FBXW7: variants seen among roughly 807,000 people sequenced by gnomAD.
FBXW7 encodes the protein F-box/WD repeat-containing protein 7.
In FBXW7, 11 loss-of-function variants were observed where a neutral mutation model predicts 86.3. The observed-to-expected ratio is 0.13, with a 90% CI of 0.08 to 0.21. The LOEUF (loss-of-function observed/expected upper bound fraction) is 0.21. Ranked by LOEUF, FBXW7 falls within the 10% of genes least tolerant of loss-of-function variation. The pLI, the probability that FBXW7 is intolerant of heterozygous loss-of-function variation, is 1.00. For synonymous variants in FBXW7, 313 were observed against 297.9 expected, an observed-to-expected ratio of 1.05 and a Z score of -0.52; for missense variants, 488 against 847.4, an observed-to-expected ratio of 0.58 and a Z score of 5.27.
intron 2 of FBXW7, chr4:152,530,843 C>T (rs985186164): frequency 6.6e-6 from 1 of 152,240 alleles, no homozygotes; most frequent in Non-Finnish European, 1.5e-5. Context: ...TCTACAGCTG[C>T]TTTCACACTA....
intron 2 of FBXW7, among the ~76,000 whole-genome samples, chr4:152,492,921 T>C (rs1287723833): frequency 1.3e-5 from 2 of 151,970 alleles, no homozygotes; most frequent in Non-Finnish European, 2.9e-5. Flanking sequence ...GGTCTGAAAC[T>C]CAGGCAAATT....
Position 152,416,955 on chromosome 4 carries a change from T to C in FBXW7, c.-119-4426A>G, listed in dbSNP as rs188400970. ...AAATCTCAAAGACTCTTTTGCCATT[T>C]TTGTATCTTTATATTCTGTTGGTCA... On this transcript the variant is annotated intron_variant, in intron 2 of 13. Coordinates refer to ENST00000281708, the MANE Select transcript of FBXW7 (RefSeq NM_001349798.2). Among the ~76,000 whole-genome samples the C allele has an allele frequency of 1.3e-4, 20 of 152,318 alleles. No homozygotes were observed. The East Asian group carries it at 3.3e-3, about 25-fold the overall frequency.
At chr4:152,359,299 G>C (rs1300587971) in intron 4 of FBXW7, among the ~76,000 whole-genome samples, 1 of 152,066 alleles carries the variant, frequency 6.6e-6, no homozygotes, top group East Asian at 1.9e-4. Context: ...TTAAAATCCA[G>C]GTGACAAGAT....
chr4:152,358,609 G>T (rs904998298), intron 4 of FBXW7, among the ~76,000 whole-genome samples: 5 of 151,978 alleles, frequency 3.3e-5, no homozygotes, highest in Admixed American at 6.6e-5. Flanking sequence ...CTCTTTGTTT[G>T]TGGAATGAAC....
chr4:152,406,416 C>T (rs1374073240), intron 4 of FBXW7, among the ~76,000 whole-genome samples: 2 of 151,974 alleles, frequency 1.3e-5, no homozygotes, highest in Non-Finnish European at 2.9e-5. Flanking sequence ...GGCCCCGTCT[C>T]TTAAATAATT....
At chr4:152,483,659 C>T (rs1400048782) in intron 2 of FBXW7, among the ~76,000 whole-genome samples, 3 of 152,102 alleles carry the variant, frequency 2.0e-5, no homozygotes, top group Admixed American at 2.0e-4. Context: ...GATCATGCCA[C>T]TGCACTCCAG....
intron 2 of FBXW7, among the ~76,000 whole-genome samples, chr4:152,526,255 C>T (rs1749503373): frequency 6.6e-6 from 1 of 151,972 alleles, no homozygotes; most frequent in Non-Finnish European, 1.5e-5. Flanking sequence ...TTTTTTCTAG[C>T]TTAGATTTTT....
intron 2 of FBXW7, among the ~76,000 whole-genome samples, chr4:152,482,124 C>T (rs991862410): frequency 6.6e-6 from 1 of 152,180 alleles, no homozygotes; most frequent in African/African-American, 2.4e-5. Flanking sequence ...GCCACCCCAA[C>T]CTTCAGCAAC....
At chr4:152,462,479 A>T (rs1743039752) in intron 2 of FBXW7, among the ~76,000 whole-genome samples, 1 of 152,218 alleles carries the variant, frequency 6.6e-6, no homozygotes, top group Non-Finnish European at 1.5e-5. Context: ...GACAGAGTTT[A>T]CACTCAGATT....
At position 152,359,393 on chromosome 4, in the gene FBXW7, G is replaced by A. The variant is rs779246576; in HGVS notation, c.502-9269C>T. ...AGGCAGGAGGATCATTTGAGGCTAC[G>A]AGTTCAAGACCAGCCTGGGCAATAT... is the stretch of plus-strand genomic sequence containing the variant. On this transcript the variant is annotated intron_variant, in intron 4 of 13. Transcript: ENST00000281708. Among the ~76,000 whole-genome samples, 6 of 152,010 alleles carry A rather than the reference G, an allele frequency of 3.9e-5. No homozygotes were observed. The East Asian group carries it at 7.7e-4, about 20-fold the overall frequency.
At chr4:152,381,484 T>C (rs1479224457) in intron 4 of FBXW7, among the ~76,000 whole-genome samples, 2 of 152,062 alleles carry the variant, frequency 1.3e-5, no homozygotes, top group African/African-American at 2.4e-5. Flanking sequence ...TAATAAATAA[T>C]TTGAAACTGG....
At position 152,427,418 on chromosome 4, in the gene FBXW7, G is replaced by A. The variant is rs1049479297; in HGVS notation, c.-119-14889C>T. Among the ~76,000 whole-genome samples, 13 of 152,280 alleles carry A rather than the reference G, an allele frequency of 8.5e-5. No homozygotes were observed. The East Asian group carries it at 2.3e-3, about 27-fold the overall frequency. Reference sequence around the variant, plus strand: ...GTTAATACTTACAACACCCTTTGAAGTGCATTATCCATATGCCATCCTCAT... The same window carrying A: ...GTTAATACTTACAACACCCTTTGAAATGCATTATCCATATGCCATCCTCAT... On this transcript the variant is annotated intron_variant, in intron 2 of 13. Coordinates refer to ENST00000281708, the MANE Select transcript of FBXW7 (RefSeq NM_001349798.2).
chr4:152,453,109 G>A (rs146256233), intron 2 of FBXW7, among the ~76,000 whole-genome samples: 2,437 of 152,244 alleles, frequency 0.016, 76 homozygotes, highest in African/African-American at 0.056. Context: ...ACTTGAACCT[G>A]GGAGGCGGAG....
At chr4:152,459,332 C>A (rs1742726311) in intron 2 of FBXW7, among the ~76,000 whole-genome samples, 1 of 152,206 alleles carries the variant, frequency 6.6e-6, no homozygotes, top group African/African-American at 2.4e-5. Flanking sequence ...CATTTTTACA[C>A]TAGCTTCCAC....
chr4:152,503,279 A>T (rs1470591576), intron 2 of FBXW7, among the ~76,000 whole-genome samples: 4 of 148,296 alleles, frequency 2.7e-5, no homozygotes, highest in African/African-American at 9.9e-5. Context: ...ACCTTATTAA[A>T]TTTTTTTTTT....
At chr4:152,495,974 C>T (rs889736219) in intron 2 of FBXW7, among the ~76,000 whole-genome samples, 4 of 152,096 alleles carry the variant, frequency 2.6e-5, no homozygotes, top group East Asian at 1.9e-4. Context: ...CCCAGGAGTT[C>T]GAGAGCAGCC....
chr4:152,505,203 G>A (rs1399207822), intron 2 of FBXW7, among the ~76,000 whole-genome samples: 1 of 152,166 alleles, frequency 6.6e-6, no homozygotes, highest in Non-Finnish European at 1.5e-5. Context: ...CGGTGCATCT[G>A]TATCATAAAT....
intron 2 of FBXW7, among the ~76,000 whole-genome samples, chr4:152,457,186 C>A (rs1354325210): frequency 1.3e-5 from 2 of 152,062 alleles, no homozygotes; most frequent in Non-Finnish European, 2.9e-5. Context: ...ACAAACTGAC[C>A]TACAGTAACA....
chr4:152,409,614 G>A (rs1043489805), intron 4 of FBXW7, among the ~76,000 whole-genome samples: 1 of 152,058 alleles, frequency 6.6e-6, no homozygotes, highest in African/African-American at 2.4e-5. Flanking sequence ...TCACTGTCCT[G>A]GCAATCAAAT....
Sources: allele counts gnomAD v4.1 joint callset (sites outside exome capture counted in the v4.1 genomes callset), GRCh38; gene constraint gnomAD v4.1.1; transcripts MANE v1.5; gene names NCBI Gene and HGNC (gene_info 2026-07-23, HGNC 2026-07-21).